The following SNTG1 variants were observed in gnomAD, a reference collection of about 807,000 sequenced individuals.
SNTG1 encodes the protein gamma-1-syntrophin.
SNTG1 carries 39 observed loss-of-function variants against 74.7 expected under a neutral mutation model. The observed-to-expected ratio is 0.52, with a 90% CI of 0.40 to 0.68. SNTG1 has a LOEUF of 0.68. SNTG1 is among the 30% of genes least tolerant of loss of function. The pLI is 0.00. For synonymous variants in SNTG1, 254 were observed against 217.1 expected (o/e 1.17, Z -1.49); for missense variants, 685 against 609.5 (o/e 1.12, Z -1.30).
intron 1 of SNTG1, among the ~76,000 whole-genome samples, chr8:50,018,467 A>C (rs1188951179): frequency 6.6e-6 from 1 of 152,044 alleles, no homozygotes. Flanking sequence ...CCTCTACCTC[A>C]CACCTTACTC....
chr8:50,194,035 T>C (rs989464408), intron 2 of SNTG1, among the ~76,000 whole-genome samples: 11 of 152,162 alleles, frequency 7.2e-5, no homozygotes, highest in Admixed American at 6.6e-5. Flanking sequence ...TTGATCATGG[T>C]GGATCATCTT....
intron 8 of SNTG1, among the ~76,000 whole-genome samples, chr8:50,477,109 C>A (rs12547263): frequency 0.63 from 95,620 of 151,884 alleles, 32,795 homozygotes; most frequent in Non-Finnish European, 0.77. Flanking sequence ...CAGTGCAGAA[C>A]AATTTCAAAT....
chr8:50,099,861 C>T (rs1452635488), intron 1 of SNTG1, among the ~76,000 whole-genome samples: 1 of 151,858 alleles, frequency 6.6e-6, no homozygotes, highest in East Asian at 1.9e-4. Flanking sequence ...GTATTGAGTT[C>T]CTTGTATATT....
At chr8:50,111,171 C>T (rs547873160) in intron 1 of SNTG1, among the ~76,000 whole-genome samples, 3 of 152,082 alleles carry the variant, frequency 2.0e-5, no homozygotes, top group Non-Finnish European at 4.4e-5. Flanking sequence ...GCCTTACTCT[C>T]CTAGCTCCCT....
At chr8:50,203,378 GTC>G (rs1448618751) in intron 2 of SNTG1, among the ~76,000 whole-genome samples, 1 of 152,052 alleles carries the variant, frequency 6.6e-6, no homozygotes, top group Non-Finnish European at 1.5e-5. Context: ...GTGTTCACCT[GTC>G]TCTGCAGATT....
intron 4 of SNTG1, among the ~76,000 whole-genome samples, chr8:50,407,427 G>A (rs1587506432): frequency 6.6e-6 from 1 of 152,108 alleles, no homozygotes; most frequent in Non-Finnish European, 1.5e-5. Context: ...ATTGCTATCA[G>A]GCAGTTTACT....
chr8:50,127,690 A>G (rs1180612725), intron 1 of SNTG1, among the ~76,000 whole-genome samples: 2 of 152,162 alleles, frequency 1.3e-5, no homozygotes, highest in Non-Finnish European at 2.9e-5. Flanking sequence ...ATTTTTAATA[A>G]TGCTTCATTT....
chr8:50,047,867 A>G (rs1358673212), intron 1 of SNTG1, among the ~76,000 whole-genome samples: 1 of 152,156 alleles, frequency 6.6e-6, no homozygotes, highest in East Asian at 1.9e-4. Flanking sequence ...ATGATTTTTG[A>G]AAATTATGCA....
intron 1 of SNTG1, among the ~76,000 whole-genome samples, chr8:50,140,674 G>T (rs1373413475): frequency 3.3e-5 from 5 of 151,984 alleles, no homozygotes; most frequent in Non-Finnish European, 7.4e-5. Context: ...ACTCCCCCTT[G>T]GCCTGCAGAG....
chr8:50,166,851 A>C (rs1178035467), intron 1 of SNTG1, among the ~76,000 whole-genome samples: 1 of 151,450 alleles, frequency 6.6e-6, no homozygotes, highest in African/African-American at 2.4e-5. Context: ...TATTCACAAT[A>C]GCAGCGACTT....
chr8:50,484,509 C>A (rs1420747386), intron 8 of SNTG1, among the ~76,000 whole-genome samples: 2 of 151,590 alleles, frequency 1.3e-5, no homozygotes, highest in African/African-American at 2.4e-5. Flanking sequence ...GCCTCCATGC[C>A]CAACCTGGAT....
At chr8:50,397,164 TA>T (rs1190785825) in intron 3 of SNTG1, among the ~76,000 whole-genome samples, 5 of 152,252 alleles carry the variant, frequency 3.3e-5, no homozygotes, top group Non-Finnish European at 5.9e-5. Context: ...GTTTGGTGTA[TA>T]TTTTATAAAG....
rs1045305371 is a variant in SNTG1, at chr8:50,692,563, C to T, written c.1039-12037C>T. On this transcript the variant is annotated intron_variant, in intron 15 of 18. Transcript: ENST00000642720. ...TTCAGCAGCGGTGGCTGCAGAACAG[C>T]GGACATTAGTGAACCGCAAATGCTG... 3.3e-5 allele frequency among the ~76,000 whole-genome samples: 5 copies of T among 152,112 alleles called. No individual in the cohort carries two copies. The South Asian group carries it at 6.2e-4, about 19-fold the overall frequency.
rs1393932978 is a variant in SNTG1, at chr8:50,151,032, GCCTGGT to G, written c.-102-21523_-102-21518del. Among the ~76,000 whole-genome samples, 5 of 152,194 alleles carry G rather than the reference GCCTGGT, an allele frequency of 3.3e-5. No individual in the cohort carries two copies. In the South Asian group the frequency reaches 1.0e-3, roughly 32 times the overall value. On this transcript the variant is annotated intron_variant, in intron 1 of 18. Transcript: ENST00000642720. ...TCTGGTAGAATTCGGCTGTGAATCT[GCCTGGT>G]CCTGGACTTTTTATGGTTGGTAGAC...
At chr8:49,983,881 C>T (rs984572435) in intron 1 of SNTG1, among the ~76,000 whole-genome samples, 2 of 152,170 alleles carry the variant, frequency 1.3e-5, no homozygotes, top group African/African-American at 2.4e-5. Context: ...AAAATTCATT[C>T]CCAGTGAGAT....
chr8:50,297,207 C>T (rs1010723180), intron 2 of SNTG1, among the ~76,000 whole-genome samples: 1 of 152,006 alleles, frequency 6.6e-6, no homozygotes, highest in Non-Finnish European at 1.5e-5. Flanking sequence ...TTTTACAAAC[C>T]CTAGTGGATG....
chr8:50,596,934 C>T (rs751094887), intron 13 of SNTG1, among the ~76,000 whole-genome samples: 3 of 151,886 alleles, frequency 2.0e-5, no homozygotes, highest in Non-Finnish European at 2.9e-5. Flanking sequence ...TCAAAATCTC[C>T]TCTAGCTATG....
chr8:50,550,853 T>A (rs1211158920), intron 11 of SNTG1, among the ~76,000 whole-genome samples: 1 of 152,134 alleles, frequency 6.6e-6, no homozygotes, highest in Non-Finnish European at 1.5e-5. Flanking sequence ...AGTTAAAAAA[T>A]TACATTTTCT....
chr8:50,120,475 A>G lies in SNTG1; in HGVS notation c.-102-52086A>G, dbSNP rs1382183393. Among the ~76,000 whole-genome samples, 2 of 140,314 alleles carry G rather than the reference A, an allele frequency of 1.4e-5. 1 individual carries two copies. The highest frequency in any genetic ancestry group is 3.2e-5 in the Non-Finnish European group (2 of 63,302). 92.1% of individuals were successfully genotyped at this position (140,314 alleles called of 152,430 possible). Reference sequence around the variant, plus strand: ...GAAACTATTAACTATTACTACCATTACTACTGCCACTAACACTATCCAACA... The same window carrying G: ...GAAACTATTAACTATTACTACCATTGCTACTGCCACTAACACTATCCAACA... On this transcript the variant is annotated intron_variant, in intron 1 of 18. Coordinates refer to ENST00000642720, the MANE Select transcript of SNTG1 (RefSeq NM_018967.5).
Sources: gnomAD v4.1 joint callset for allele counts (sites outside exome capture counted in the v4.1 genomes callset) on GRCh38, gnomAD v4.1.1 for gene constraint, MANE v1.5 for transcripts, NCBI Gene and HGNC (gene_info 2026-07-23, HGNC 2026-07-21) for gene names.